Variants in RGS6 observed in about 807,000 individuals in gnomAD.
RGS6 encodes the protein regulator of G-protein signaling 6.
In RGS6, 30 loss-of-function variants were observed where a neutral mutation model predicts 78.5. The observed-to-expected ratio is 0.38, with a 90% confidence interval of 0.29 to 0.52. The LOEUF is 0.52. Ranked by LOEUF, RGS6 falls within the 20% of genes least tolerant of loss-of-function variation. The pLI, the probability that RGS6 is intolerant of heterozygous loss-of-function variation, is 0.85. For missense variants in RGS6, 495 were observed against 609.7 expected (o/e 0.81, Z 1.98); for synonymous variants, 206 against 206.0 (o/e 1.00, Z 0.00).
chr14:72,269,658 G>A (rs988074627), intron 2 of RGS6, among the ~76,000 whole-genome samples: 42 of 138,486 alleles, frequency 3.0e-4, no homozygotes, highest in Middle Eastern at 8.3e-3. Flanking sequence ...TCTGCCTCCC[G>A]GGCTCAAGGG....
chr14:72,456,218 G>A (rs753235656), intron 4 of RGS6, among the ~76,000 whole-genome samples: 11 of 152,124 alleles, frequency 7.2e-5, no homozygotes, highest in Non-Finnish European at 1.2e-4. Flanking sequence ...GAGGCAAACC[G>A]AGGCCTTGGG....
intron 2 of RGS6, among the ~76,000 whole-genome samples, chr14:72,247,660 G>A (rs1349660010): frequency 6.6e-6 from 1 of 152,164 alleles, no homozygotes; most frequent in Non-Finnish European, 1.5e-5. Flanking sequence ...ATTGGGAGGT[G>A]GGATCTTCAA....
chr14:72,114,110 G>A (rs2095835716), intron 2 of RGS6, among the ~76,000 whole-genome samples: 1 of 152,218 alleles, frequency 6.6e-6, no homozygotes, highest in Non-Finnish European at 1.5e-5. Context: ...ATTGTGGTCA[G>A]TGTTCTCATC....
At chr14:71,930,289 G>A (rs1201193755), upstream of RGS6, among the ~76,000 whole-genome samples, 1 of 152,106 alleles carries the variant, frequency 6.6e-6, no homozygotes, top group African/African-American at 2.4e-5. Flanking sequence ...GCAGTGAGAT[G>A]ACTGGCTCCA....
chr14:72,059,171 A>C (rs755749452), intron 2 of RGS6, among the ~76,000 whole-genome samples: 1 of 152,212 alleles, frequency 6.6e-6, no homozygotes, highest in African/African-American at 2.4e-5. Flanking sequence ...CAGTGCTGGG[A>C]TTACAGGCGT....
intron 12 of RGS6, among the ~76,000 whole-genome samples, chr14:72,493,281 A>G (rs2096602109): frequency 6.6e-6 from 1 of 152,254 alleles, no homozygotes. Context: ...GAAACTTACA[A>G]TAAAAGTATA....
intron 4 of RGS6, among the ~76,000 whole-genome samples, chr14:72,455,408 T>C (rs1207423247): frequency 6.6e-6 from 1 of 152,220 alleles, no homozygotes; most frequent in Non-Finnish European, 1.5e-5. Flanking sequence ...TTTTTTGAAG[T>C]GCCCATTCTG....
At chr14:71,990,889 T>G (rs1008463366) in intron 2 of RGS6, 11 of 455,612 alleles carry the variant, frequency 2.4e-5, no homozygotes, top group Non-Finnish European at 4.4e-5. Flanking sequence ...CTTCTGAGCT[T>G]CAGTGCTTGG....
intron 3 of RGS6, among the ~76,000 whole-genome samples, chr14:72,367,179 A>T (rs1290719638): frequency 1.3e-5 from 2 of 152,210 alleles, no homozygotes; most frequent in African/African-American, 4.8e-5. Flanking sequence ...CTTGGATTGC[A>T]GCAGTTTCTT....
chr14:72,616,376 A>G, the RGS6 span, among the ~76,000 whole-genome samples: 1 of 152,122 alleles, frequency 6.6e-6, no homozygotes, highest in African/African-American at 2.4e-5. Context: ...AACCCCATGT[A>G]CATCCCTCAC....
At chr14:72,268,802 C>T (rs368803472) in intron 2 of RGS6, among the ~76,000 whole-genome samples, 18 of 152,092 alleles carry the variant, frequency 1.2e-4, no homozygotes, top group Admixed American at 3.3e-4. Flanking sequence ...CAGTGTTAGG[C>T]GCTTTATACC....
At chr14:72,352,491 A>C (rs1375931595) in intron 3 of RGS6, among the ~76,000 whole-genome samples, 1 of 152,232 alleles carries the variant, frequency 6.6e-6, no homozygotes, top group Non-Finnish European at 1.5e-5. Flanking sequence ...TGGGATACAC[A>C]CAAGCACAGA....
In RGS6 at chr14:72,465,222, G is replaced by A. The variant is rs149579939; in HGVS notation, c.395-536G>A. Reference sequence around the variant, plus strand: ...AAAGAACCATATTTGCCATCCTAACGAGCCCAACCTTACTTCTGAGGCCAT... The same window carrying A: ...AAAGAACCATATTTGCCATCCTAACAAGCCCAACCTTACTTCTGAGGCCAT... On this transcript the variant is annotated intron_variant, in intron 6 of 17. Coordinates refer to ENST00000553525, the MANE Select transcript of RGS6 (RefSeq NM_001204424.2). Among the ~76,000 whole-genome samples, 333 of 152,284 alleles carry A rather than the reference G, an allele frequency of 2.2e-3. 1 individual carries two copies. The highest frequency in any genetic ancestry group is 1.7e-3 in the South Asian group (8 of 4,824).
At chr14:72,590,674 G>A in the RGS6 span, among the ~76,000 whole-genome samples, 1 of 152,212 alleles carries the variant, frequency 6.6e-6, no homozygotes, top group Admixed American at 6.5e-5. Flanking sequence ...GTTGCTTGCA[G>A]CAAAAAGTAA....
the RGS6 span, among the ~76,000 whole-genome samples, chr14:71,913,466 G>T: frequency 6.6e-6 from 1 of 152,214 alleles, no homozygotes. Context: ...TAGGTTAACA[G>T]AGGAAAGTGG....
intron 15 of RGS6, among the ~76,000 whole-genome samples, chr14:72,529,842 C>T (rs1054431315): frequency 6.6e-6 from 1 of 152,224 alleles, no homozygotes; most frequent in Non-Finnish European, 1.5e-5. Context: ...GCTGAATTGG[C>T]TAAATGCGTC....
At chr14:72,057,313 G>GAAAAAAAAAAAAAAA (rs71109718) in intron 2 of RGS6, among the ~76,000 whole-genome samples, 25 of 56,164 alleles carry the variant, frequency 4.5e-4, no homozygotes, top group Admixed American at 1.6e-3. Context: ...GACTCTATCT[G>GAAAAAAAAAAAAAAA]AAAAAAAAAA....
intron 2 of RGS6, among the ~76,000 whole-genome samples, chr14:72,255,678 G>A (rs2056924194): frequency 6.6e-6 from 1 of 152,176 alleles, no homozygotes; most frequent in Non-Finnish European, 1.5e-5. Context: ...GGGCTTCAAA[G>A]AGGCTGATTT....
chr14:72,238,639 A>G (rs2051850561), intron 2 of RGS6, among the ~76,000 whole-genome samples: 1 of 152,102 alleles, frequency 6.6e-6, no homozygotes, highest in Non-Finnish European at 1.5e-5. Context: ...GAGGGGCAGC[A>G]GGGAGGGCCT....
Sources: gnomAD v4.1 joint callset for allele counts (sites outside exome capture counted in the v4.1 genomes callset) on GRCh38, gnomAD v4.1.1 for gene constraint, MANE v1.5 for transcripts, NCBI Gene and HGNC (gene_info 2026-07-23, HGNC 2026-07-21) for gene names.